Variants in COL1A2 observed in about 807,000 individuals in gnomAD.
The protein encoded by COL1A2 is collagen type I alpha 2 chain.
Under a neutral mutation model 174.3 loss-of-function variants are expected in COL1A2, and 49 were observed. The ratio of observed to expected loss-of-function variants is 0.28; its 90% CI spans 0.22 to 0.36. The LOEUF (loss-of-function observed/expected upper bound fraction) is 0.36. Ranked by LOEUF, COL1A2 falls within the 10% of genes least tolerant of loss-of-function variation. The pLI is 1.00. For synonymous variants in COL1A2, 655 were observed against 606.6 expected, an observed-to-expected ratio of 1.08 and a Z score of -1.17; for missense variants, 1,438 against 1,822.7, an observed-to-expected ratio of 0.79 and a Z score of 3.84.
intron 25 of COL1A2, 114 bp downstream of exon 25, chr7:94,412,796 C>A: frequency 1.1e-6 from 1 of 925,022 alleles, no homozygotes; most frequent in South Asian, 1.4e-5. Context: ...CCTTTCAACA[C>A]AGGAAAACTG....
At chr7:94,411,342 T>C (rs1791918692) in intron 23 of COL1A2, among the ~76,000 whole-genome samples, 188 bp downstream of exon 23, 1 of 152,230 alleles carries the variant, frequency 6.6e-6, no homozygotes, top group Admixed American at 6.5e-5. Flanking sequence ...TTCATAAATT[T>C]TCTATTTATT....
chr7:94,417,220 G>T (rs777643037), intron 31 of COL1A2, among the ~76,000 whole-genome samples: 4 of 152,106 alleles, frequency 2.6e-5, no homozygotes, highest in Non-Finnish European at 5.9e-5. Context: ...TACTTTCAAA[G>T]GGATCTATGT....
intron 7 of COL1A2, 24 bp downstream of exon 7, chr7:94,404,624 C>T (rs1791756905): frequency 6.2e-7 from 1 of 1,613,990 alleles, no homozygotes; most frequent in Admixed American, 1.7e-5. Flanking sequence ...GCTTGTAATG[C>T]CTCTTATGTA....
At chr7:94,423,417 A>T (rs929473979) in intron 40 of COL1A2, 12 of 417,526 alleles carry the variant, frequency 2.9e-5, no homozygotes, top group Admixed American at 1.8e-4. Flanking sequence ...TGCTGTGGCC[A>T]TCCTACTACA....
At position 94,426,502 on chromosome 7, in the gene COL1A2, A is replaced by G. The variant is rs369457688; in HGVS notation, c.3077A>G (p.Asn1026Ser). Residue 1026 changes from asparagine to serine, a missense_variant, in exon 46 of 52, where the codon AAT becomes AGT. Around this residue, in one of 3 missense-constraint regions of COL1A2, gnomAD observed 867 missense variants for 1,213.7 expected, o/e 0.71. Transcript: ENST00000297268. ...PRGLPGLKGH[N>S]GLQGLPGIAG... ...GGTCTTCCTGGCTTAAAGGGACACAATGGATTGCAAGGTCTGCCTGGTATC... is the reference window on the plus strand; with the variant it reads ...GGTCTTCCTGGCTTAAAGGGACACAGTGGATTGCAAGGTCTGCCTGGTATC... The G allele has an allele frequency of 1.7e-5, 28 of 1,605,702 alleles. No homozygotes were observed. In the African/African-American group the frequency reaches 2.9e-4, roughly 17 times the overall value.
intron 32 of COL1A2, 62 bp from the exon 33 acceptor site, chr7:94,418,437 A>T: frequency 7.0e-7 from 1 of 1,431,176 alleles, no homozygotes; most frequent in Non-Finnish European, 9.9e-7. Flanking sequence ...AAAACTTCAT[A>T]TTAATTTCGA....
intron 51 of COL1A2, 191 bp downstream of exon 51, chr7:94,429,621 A>T: frequency 1.7e-6 from 1 of 576,628 alleles, no homozygotes; most frequent in East Asian, 3.0e-5. Context: ...TTAATTTCGT[A>T]CTTAAATTCA....
intron 5 of COL1A2, 32 bp downstream of exon 5, chr7:94,400,320 C>G: frequency 6.4e-7 from 1 of 1,570,024 alleles, no homozygotes; most frequent in Non-Finnish European, 8.8e-7. Flanking sequence ...TAACTTTTAG[C>G]TAACTTCAGT....
intron 40 of COL1A2, chr7:94,423,987 A>G (rs550951556): frequency 5.7e-4 from 165 of 287,058 alleles, no homozygotes; most frequent in Non-Finnish European, 1.0e-3. Flanking sequence ...CCCTCCTACT[A>G]TGTACAACTA....
chr7:94,399,119 C>G lies in COL1A2; in HGVS notation c.132+35C>G, dbSNP rs750588505. On this transcript the variant is annotated intron_variant, in intron 4 of 51. Coordinates refer to ENST00000297268, the MANE Select transcript of COL1A2 (RefSeq NM_000089.4). Reference sequence around the variant, plus strand: ...TTTTGAACTATAAAGGGCTTCGTCCCGTATTTGAATAACTATATGTTAGAA... The same window carrying G: ...TTTTGAACTATAAAGGGCTTCGTCCGGTATTTGAATAACTATATGTTAGAA... 3 of 1,588,446 alleles carry G rather than the reference C, an allele frequency of 1.9e-6. No individual in the cohort carries two copies. The highest frequency in any genetic ancestry group is 2.6e-6 in the Non-Finnish European group (3 of 1,157,050).
In COL1A2 at chr7:94,417,821, A is replaced by C; in HGVS notation, c.1961A>C (p.Lys654Thr). 4.4e-6 allele frequency: 7 copies of C among 1,597,972 alleles called. No homozygotes were observed. Among genetic ancestry groups the C allele is most frequent in the Non-Finnish European group, 6.0e-6 (7 of 1,171,794 alleles). The change falls in exon 32 of 52, where the codon AAG (lysine) becomes ACG (threonine). Residue 654 changes from lysine to threonine, a missense_variant. Lys to Thr is a moderately conservative substitution (Grantham distance 78). Transcript: ENST00000297268. ...GGTGCTGCTGGCATACCTGGAGGCAAGGGAGAAAAGGTACGTGTTGACCCC... is the reference window on the plus strand; with the variant it reads ...GGTGCTGCTGGCATACCTGGAGGCACGGGAGAAAAGGTACGTGTTGACCCC... ...ERGAAGIPGGKGEKGEPGLRG... is the reference protein window; with the variant it reads ...ERGAAGIPGGTGEKGEPGLRG...
intron 4 of COL1A2, 65 bp downstream of exon 4, chr7:94,399,149 C>T (rs1427128735): frequency 7.8e-6 from 11 of 1,413,834 alleles, no homozygotes; most frequent in Non-Finnish European, 1.1e-5. Context: ...TTAGAAACTA[C>T]AGGAACTGGC....
rs774720286 is a variant in COL1A2 at position 94,410,909 on chromosome 7, T to A, written c.1218T>A (p.Gly406=). ...PGLRGSPGSR[G]LPGADGRAGV... Reference sequence around the variant, plus strand: ...TGCAGGGTAGTCCTGGTTCTCGTGGTCTTCCTGGAGCTGATGGCAGAGCTG... The same window carrying A: ...TGCAGGGTAGTCCTGGTTCTCGTGGACTTCCTGGAGCTGATGGCAGAGCTG... The change falls in exon 22 of 52, where the codon GGT becomes GGA. Residue 406 remains glycine, a synonymous_variant. Coordinates refer to ENST00000297268, the MANE Select transcript of COL1A2 (RefSeq NM_000089.4). 7 of 1,614,016 alleles carry A rather than the reference T, an allele frequency of 4.3e-6. No homozygotes were observed. In the African/African-American group the frequency reaches 8.0e-5, roughly 18 times the overall value.
At chr7:94,422,872 A>G in intron 39 of COL1A2, 85 bp from the exon 40 acceptor site, 1 of 1,483,114 alleles carries the variant, frequency 6.7e-7, no homozygotes, top group South Asian at 1.1e-5. Context: ...CATTGTTTGC[A>G]TCTTAAGATC....
At chr7:94,400,352 A>T in intron 5 of COL1A2, 64 bp downstream of exon 5, 1 of 1,383,350 alleles carries the variant, frequency 7.2e-7, no homozygotes, top group Non-Finnish European at 1.0e-6. Context: ...TTATTGTGGA[A>T]TTTATTTTTA....
At position 94,429,305 on chromosome 7, in the gene COL1A2, G is replaced by A; in HGVS notation, c.3829G>A (p.Ala1277Thr). 1 of 1,614,040 alleles carries A rather than the reference G, an allele frequency of 6.2e-7. No homozygotes were observed. The highest frequency in any genetic ancestry group is 8.5e-7 in the Non-Finnish European group (1 of 1,179,986). The change falls in exon 51 of 52, where the codon GCA (alanine) becomes ACA (threonine). Residue 1277 changes from alanine to threonine, a missense_variant. Ala to Thr is a moderately conservative substitution (Grantham distance 58). Coordinates refer to ENST00000297268, the MANE Select transcript of COL1A2 (RefSeq NM_000089.4). ...CACCTACCACTGCAAGAACAGCATT[G>A]CATACATGGATGAGGAGACTGGCAA... ...NITYHCKNSI[A>T]YMDEETGNLK...
chr7:94,415,558 C>T (rs2115914130), intron 30 of COL1A2, among the ~76,000 whole-genome samples: 1 of 152,156 alleles, frequency 6.6e-6, no homozygotes, highest in Non-Finnish European at 1.5e-5. Context: ...GACAGTGGCT[C>T]AACTTGAGCT....
rs763047559 is a variant in COL1A2, at chr7:94,408,213, C to A, written c.670C>A (p.Arg224Ser). 16 of 1,613,722 alleles carry A rather than the reference C, an allele frequency of 9.9e-6. No individual in the cohort carries two copies. In the South Asian group the frequency reaches 1.8e-4, roughly 18 times the overall value. ...CCGTGGGCTTCCTGGTGAGAGAGGA[C>A]GTGTTGGTGCCCCTGGCCCAGCTGT... ...GARGLPGERG[R>S]VGAPGPAGAR... is the part of the protein sequence containing the mutation. Residue 224 changes from arginine to serine, a missense_variant, in exon 14 of 52, where the codon CGT becomes AGT. By Grantham distance (110) the Arg-to-Ser change is moderately radical. Coordinates refer to ENST00000297268, the MANE Select transcript of COL1A2 (RefSeq NM_000089.4).
chr7:94,420,462 A>T lies in COL1A2; in HGVS notation c.2187+18A>T, dbSNP rs757106839. ...GTCCTGCTGTGAGTATCACATAATGAAGATTAATCTGAAAACATCCTAAGT... is the reference window on the plus strand; with the variant it reads ...GTCCTGCTGTGAGTATCACATAATGTAGATTAATCTGAAAACATCCTAAGT... On this transcript the variant is annotated intron_variant, in intron 36 of 51. Transcript: ENST00000297268. 1.2e-5 allele frequency: 19 copies of T among 1,614,098 alleles called. No individual in the cohort carries two copies. The highest frequency in any genetic ancestry group is 1.5e-5 in the Non-Finnish European group (18 of 1,180,044).
Sources: gnomAD v4.1 joint callset for allele counts (sites outside exome capture counted in the v4.1 genomes callset) on GRCh38, gnomAD v4.1.1 for gene constraint, gnomAD v4.1.1 regional missense constraint, MANE v1.5 for transcripts, NCBI Gene and HGNC (gene_info 2026-07-23, HGNC 2026-07-21) for gene names.